CSMD3: variants seen among roughly 807,000 people sequenced by gnomAD.
CSMD3 encodes the protein CUB and sushi domain-containing protein 3.
CSMD3 carries 177 observed loss-of-function variants against 435.2 expected under a neutral mutation model. That is an observed-to-expected ratio of 0.41 (90% CI 0.36 to 0.46). The LOEUF (loss-of-function observed/expected upper bound fraction) is 0.46. CSMD3 is among the 20% of genes least tolerant of loss of function. The pLI is 0.34. For missense variants in CSMD3, 4,265 were observed against 4,504.6 expected (o/e 0.95, Z 1.52); for synonymous variants, 1,656 against 1,520.5 (o/e 1.09, Z -2.07).
intron 28 of CSMD3, 108 bp downstream of exon 28, chr8:112,516,926 T>C: frequency 1.2e-6 from 1 of 822,136 alleles, no homozygotes. Context: ...TCTGAAATCT[T>C]AGACTCTCAT....
At chr8:113,428,222 AT>A (rs2094647973) in intron 1 of CSMD3, among the ~76,000 whole-genome samples, 1 of 149,750 alleles carries the variant, frequency 6.7e-6, no homozygotes, top group Non-Finnish European at 1.5e-5. Flanking sequence ...CTATCTATCT[AT>A]CTATCTATCT....
chr8:112,598,498 C>T lies in CSMD3; in HGVS notation c.3716-11263G>A, dbSNP rs564215706. 3.9e-3 allele frequency among the ~76,000 whole-genome samples: 572 copies of T among 148,416 alleles called. 1 individual carries two copies. The highest frequency in any genetic ancestry group is 6.6e-3 in the Non-Finnish European group (446 of 67,110). On this transcript the variant is annotated intron_variant, in intron 22 of 70. Transcript: ENST00000297405. ...CCATAAAGCTACCAATGACTTTCTTCACAGAATTGGAAAAAACTACTTTAA... is the reference window on the plus strand; with the variant it reads ...CCATAAAGCTACCAATGACTTTCTTTACAGAATTGGAAAAAACTACTTTAA...
chr8:112,378,744 G>A (rs564606496), intron 38 of CSMD3, among the ~76,000 whole-genome samples: 1 of 152,010 alleles, frequency 6.6e-6, no homozygotes, highest in South Asian at 2.1e-4. Context: ...TGATAAGCAG[G>A]GTGACTAGAG....
At chr8:113,240,544 T>C (rs961698431) in intron 3 of CSMD3, among the ~76,000 whole-genome samples, 2 of 152,166 alleles carry the variant, frequency 1.3e-5, no homozygotes, top group Non-Finnish European at 2.9e-5. Flanking sequence ...AAACTTTCTA[T>C]GACAACTTCT....
At chr8:112,697,697 G>A (rs1333831612) in intron 13 of CSMD3, among the ~76,000 whole-genome samples, 1 of 151,562 alleles carries the variant, frequency 6.6e-6, no homozygotes, top group Admixed American at 6.6e-5. Flanking sequence ...TGTAACAAAC[G>A]TTGTGCACAT....
At chr8:113,183,172 C>A (rs1169077494) in intron 3 of CSMD3, among the ~76,000 whole-genome samples, 1 of 151,964 alleles carries the variant, frequency 6.6e-6, no homozygotes, top group Non-Finnish European at 1.5e-5. Context: ...CTTTCTTGTC[C>A]ACATTCTCTG....
intron 4 of CSMD3, among the ~76,000 whole-genome samples, chr8:113,155,556 G>A (rs2091913222): frequency 6.6e-6 from 1 of 152,034 alleles, no homozygotes; most frequent in East Asian, 1.9e-4. Context: ...AAGACCACAG[G>A]GTCAAGTATT....
At chr8:113,186,380 C>T (rs541257865) in intron 3 of CSMD3, among the ~76,000 whole-genome samples, 45 of 152,120 alleles carry the variant, frequency 3.0e-4, no homozygotes, top group African/African-American at 1.1e-3. Flanking sequence ...ATTCAGCCCA[C>T]CAAGCTGATT....
At chr8:113,261,887 T>C (rs2093430157) in intron 3 of CSMD3, among the ~76,000 whole-genome samples, 1 of 152,050 alleles carries the variant, frequency 6.6e-6, no homozygotes, top group Non-Finnish European at 1.5e-5. Flanking sequence ...ACATGCCAAG[T>C]ATTGCTCTGT....
intron 13 of CSMD3, among the ~76,000 whole-genome samples, chr8:112,744,685 G>A (rs1023609764): frequency 7.2e-5 from 11 of 151,836 alleles, no homozygotes; most frequent in African/African-American, 1.5e-4. Context: ...ATGAAGAGAC[G>A]ACTTTGGGCG....
At chr8:112,429,258 C>T (rs1007945965) in intron 32 of CSMD3, among the ~76,000 whole-genome samples, 15 of 151,992 alleles carry the variant, frequency 9.9e-5, no homozygotes, top group Non-Finnish European at 1.6e-4. Context: ...GTGAAATTGA[C>T]GTTTTTAGAT....
At chr8:113,295,118 T>G (rs1309676137) in intron 2 of CSMD3, among the ~76,000 whole-genome samples, 1 of 152,150 alleles carries the variant, frequency 6.6e-6, no homozygotes, top group African/African-American at 2.4e-5. Context: ...TAAGCCATAA[T>G]CACATCATGG....
intron 3 of CSMD3, among the ~76,000 whole-genome samples, chr8:113,234,540 A>T (rs2132207995): frequency 6.6e-6 from 1 of 152,308 alleles, no homozygotes; most frequent in Admixed American, 6.5e-5. Flanking sequence ...AGATGTATTC[A>T]TGATTACATA....
At chr8:112,667,926 A>G (rs2075563990) in intron 16 of CSMD3, among the ~76,000 whole-genome samples, 1 of 152,120 alleles carries the variant, frequency 6.6e-6, no homozygotes, top group South Asian at 2.1e-4. Context: ...TCTGAAAACA[A>G]TTGCTCTAGA....
chr8:112,378,601 G>A (rs1301452146), intron 38 of CSMD3, among the ~76,000 whole-genome samples: 3 of 152,146 alleles, frequency 2.0e-5, no homozygotes, highest in African/African-American at 7.2e-5. Context: ...ATAGGTGGAA[G>A]CTAAAAAAGT....
At chr8:112,771,239 G>A (rs1383510979) in intron 13 of CSMD3, among the ~76,000 whole-genome samples, 1 of 151,992 alleles carries the variant, frequency 6.6e-6, no homozygotes, top group Non-Finnish European at 1.5e-5. Flanking sequence ...ATTAAATGAG[G>A]AGTTTTAAAG....
chr8:112,634,456 C>T (rs2074601683), intron 22 of CSMD3, among the ~76,000 whole-genome samples: 1 of 151,900 alleles, frequency 6.6e-6, no homozygotes, highest in African/African-American at 2.4e-5. Flanking sequence ...TTATTAAGGT[C>T]AATTGAATTA....
chr8:113,183,766 C>T (rs2092457929), intron 3 of CSMD3, among the ~76,000 whole-genome samples: 1 of 151,936 alleles, frequency 6.6e-6, no homozygotes, highest in South Asian at 2.1e-4. Flanking sequence ...ATACTATATA[C>T]ATGCAGTGTG....
At chr8:112,511,962 T>C (rs1162856229) in intron 28 of CSMD3, among the ~76,000 whole-genome samples, 1 of 152,170 alleles carries the variant, frequency 6.6e-6, no homozygotes, top group Non-Finnish European at 1.5e-5. Flanking sequence ...CCTCATTCGT[T>C]CAAGTTTTAT....
Sources: gnomAD v4.1 joint callset for allele counts (sites outside exome capture counted in the v4.1 genomes callset) on GRCh38, gnomAD v4.1.1 for gene constraint, MANE v1.5 for transcripts, NCBI Gene and HGNC (gene_info 2026-07-23, HGNC 2026-07-21) for gene names.